Variants in ADCY2 observed in about 807,000 individuals in gnomAD.
The protein encoded by ADCY2 is adenylate cyclase 2, also known as adenylate cyclase type 2.
In ADCY2, 31 loss-of-function variants were observed where a neutral mutation model predicts 125.2. The observed-to-expected ratio is 0.25, with a 90% CI of 0.19 to 0.33. The LOEUF (loss-of-function observed/expected upper bound fraction) is 0.33, where lower values mean the gene tolerates loss of function less well. ADCY2 is among the 10% of genes least tolerant of loss of function. The probability of loss-of-function intolerance (pLI) is 1.00; values close to 1 mark genes in which losing one functional copy is unlikely to be tolerated. For missense variants in ADCY2, 904 were observed against 1,418.2 expected (o/e 0.64, Z 5.82); for synonymous variants, 512 against 548.4 (o/e 0.93, Z 0.93).
chr5:7,708,604 C>A (rs914565053), intron 9 of ADCY2, among the ~76,000 whole-genome samples: 2 of 152,116 alleles, frequency 1.3e-5, no homozygotes, highest in African/African-American at 4.8e-5. Flanking sequence ...CAAGAAAGAC[C>A]TCTGAACCAT....
At chr5:7,509,358 C>T (rs772255923) in intron 2 of ADCY2, among the ~76,000 whole-genome samples, 5 of 152,104 alleles carry the variant, frequency 3.3e-5, no homozygotes, top group South Asian at 2.1e-4. Flanking sequence ...CCACAGCCAC[C>T]GTCCTTTCGC....
chr5:7,518,681 C>T (rs1286279904), intron 2 of ADCY2, among the ~76,000 whole-genome samples: 2 of 152,138 alleles, frequency 1.3e-5, no homozygotes, highest in African/African-American at 2.4e-5. Context: ...ATCTAGGCTT[C>T]CTGATGAGGA....
chr5:7,738,151 C>G (rs1742302590), intron 14 of ADCY2, among the ~76,000 whole-genome samples: 1 of 152,116 alleles, frequency 6.6e-6, no homozygotes, highest in Non-Finnish European at 1.5e-5. Context: ...ATTTATTTTT[C>G]ATGTCTCTAA....
chr5:7,534,478 C>T (rs999547584), intron 3 of ADCY2, among the ~76,000 whole-genome samples: 6 of 151,880 alleles, frequency 4.0e-5, no homozygotes, highest in South Asian at 2.1e-4. Context: ...AACTCTAGAC[C>T]GAGATATTAA....
intron 14 of ADCY2, among the ~76,000 whole-genome samples, chr5:7,734,915 TCTC>T (rs1205586114): frequency 1.3e-5 from 2 of 152,118 alleles, no homozygotes; most frequent in African/African-American, 2.4e-5. Context: ...ACTACTGTCT[TCTC>T]CTTGTATCCT....
chr5:7,479,001 G>T (rs1742621968), intron 2 of ADCY2, among the ~76,000 whole-genome samples: 1 of 151,996 alleles, frequency 6.6e-6, no homozygotes, highest in Non-Finnish European at 1.5e-5. Context: ...ATTTTATAAA[G>T]GCATAACTTT....
At chr5:7,407,451 G>C (rs919410931) in intron 1 of ADCY2, among the ~76,000 whole-genome samples, 3 of 152,122 alleles carry the variant, frequency 2.0e-5, no homozygotes, top group Non-Finnish European at 1.5e-5. Flanking sequence ...GGGAAGCAAG[G>C]CATGTCTTCT....
At chr5:7,408,384 T>G (rs963879793) in intron 1 of ADCY2, among the ~76,000 whole-genome samples, 11 of 151,964 alleles carry the variant, frequency 7.2e-5, no homozygotes, top group African/African-American at 2.7e-4. Context: ...ATTATTGTTA[T>G]TTTGAGACAG....
rs560506109 is a variant in ADCY2 at position 7,667,077 on chromosome 5, C to A, written c.721-23614C>A. Among the ~76,000 whole-genome samples, 3 of 152,224 alleles carry A rather than the reference C, an allele frequency of 2.0e-5. No homozygotes were observed. The East Asian group carries it at 5.8e-4, about 29-fold the overall frequency. ...CAAGAGATGGATGGATGAAGAACGGCAAGACTCATGCTCGGGTAAATAAAA... is the reference window on the plus strand; with the variant it reads ...CAAGAGATGGATGGATGAAGAACGGAAAGACTCATGCTCGGGTAAATAAAA... On this transcript the variant is annotated intron_variant, in intron 4 of 24. Coordinates refer to ENST00000338316, the MANE Select transcript of ADCY2 (RefSeq NM_020546.3).
Position 7,720,152 on chromosome 5 carries a change from A to G in ADCY2, c.1703+2915A>G, listed in dbSNP as rs182600420. The stretch of plus-strand genomic sequence containing the variant: ...GAGGCCCTAAATCAAGCACACACAC[A>G]TTCCCTCTCCCTTCTCTCCTCTTCT... On this transcript the variant is annotated intron_variant, in intron 12 of 24. Transcript: ENST00000338316. Among the ~76,000 whole-genome samples the G allele has an allele frequency of 3.3e-5, 5 of 152,130 alleles. No individual in the cohort carries two copies. The East Asian group carries it at 9.7e-4, about 30-fold the overall frequency.
At chr5:7,439,696 G>A (rs1042651185) in intron 2 of ADCY2, among the ~76,000 whole-genome samples, 6 of 152,166 alleles carry the variant, frequency 3.9e-5, no homozygotes, top group Non-Finnish European at 8.8e-5. Flanking sequence ...CAATGAGAAA[G>A]TGTCACGGAG....
At chr5:7,666,547 C>T (rs533425898) in intron 4 of ADCY2, among the ~76,000 whole-genome samples, 3 of 152,356 alleles carry the variant, frequency 2.0e-5, no homozygotes, top group South Asian at 2.1e-4. Flanking sequence ...GGTTTACAGG[C>T]GTGAGCCACT....
At chr5:7,460,424 C>G (rs1741874050) in intron 2 of ADCY2, among the ~76,000 whole-genome samples, 1 of 152,054 alleles carries the variant, frequency 6.6e-6, no homozygotes, top group Non-Finnish European at 1.5e-5. Flanking sequence ...TAAAATGCTG[C>G]CAACATACAC....
In ADCY2 at chr5:7,757,498, C is replaced by T. The variant is rs202227319; in HGVS notation, c.2006C>T (p.Ser669Leu). Residue 669 changes from serine to leucine, a missense_variant, in exon 16 of 25, where the codon TCG becomes TTG. By Grantham distance (145) the Ser-to-Leu change is moderately radical (BLOSUM62 -2). Around this residue, in one of 7 missense-constraint regions of ADCY2, gnomAD observed 221 missense variants for 246.2 expected, o/e 0.90. Coordinates refer to ENST00000338316, the MANE Select transcript of ADCY2 (RefSeq NM_020546.3). ...CTGCTCATGTGGCTTTTGAAGTCCTCGGGCATCATTGCCAACCGCCCCTGG... is the reference window on the plus strand; with the variant it reads ...CTGCTCATGTGGCTTTTGAAGTCCTTGGGCATCATTGCCAACCGCCCCTGG... ...SPLLMWLLKS[S>L]GIIANRPWPR... 13 of 1,613,986 alleles carry T rather than the reference C, an allele frequency of 8.1e-6. No homozygotes were observed. The highest frequency in any genetic ancestry group is 4.4e-5 in the South Asian group (4 of 91,076).
chr5:7,476,879 C>G (rs984725089), intron 2 of ADCY2, among the ~76,000 whole-genome samples: 8 of 152,202 alleles, frequency 5.3e-5, no homozygotes, highest in African/African-American at 1.9e-4. Flanking sequence ...AGTTCACCAT[C>G]TTTGCTTTTT....
At chr5:7,687,662 G>T (rs899157372) in intron 4 of ADCY2, among the ~76,000 whole-genome samples, 3 of 152,146 alleles carry the variant, frequency 2.0e-5, no homozygotes, top group Non-Finnish European at 4.4e-5. Flanking sequence ...TTATTCATCA[G>T]CTACCTCTTC....
At chr5:7,682,151 T>C (rs916040207) in intron 4 of ADCY2, among the ~76,000 whole-genome samples, 4 of 152,240 alleles carry the variant, frequency 2.6e-5, no homozygotes. Flanking sequence ...AGAAATTGTT[T>C]AGACCTGGAA....
chr5:7,778,680 T>A (rs1400746329), intron 18 of ADCY2, among the ~76,000 whole-genome samples: 1 of 152,210 alleles, frequency 6.6e-6, no homozygotes, highest in Non-Finnish European at 1.5e-5. Context: ...TTGTGGTATT[T>A]TTCTGCTTTC....
chr5:7,522,739 TAAAAAAAAAA>T (rs35601967), intron 3 of ADCY2: 7 of 122,616 alleles, frequency 5.7e-5, no homozygotes, highest in African/African-American at 1.2e-4. Flanking sequence ...CATCTCTACT[TAAAAAAAAAA>T]AAAAAAAAAA....
Sources: gnomAD v4.1 joint callset for allele counts (sites outside exome capture counted in the v4.1 genomes callset) on GRCh38, gnomAD v4.1.1 for gene constraint, gnomAD v4.1.1 regional missense constraint, MANE v1.5 for transcripts, NCBI Gene and HGNC (gene_info 2026-07-23, HGNC 2026-07-21) for gene names.